The following SLC38A4 variants were observed in gnomAD, a reference collection of about 807,000 sequenced individuals.
SLC38A4 encodes the protein sodium-coupled neutral amino acid transporter 4.
Under a neutral mutation model 63.1 loss-of-function variants are expected in SLC38A4, and 20 were observed. The ratio of observed to expected loss-of-function variants is 0.32; its 90% CI spans 0.22 to 0.46. SLC38A4 has a LOEUF of 0.46. SLC38A4 is among the 20% of genes least tolerant of loss of function. SLC38A4 has a pLI of 1.00. For synonymous variants in SLC38A4, 230 were observed against 225.5 expected (o/e 1.02, Z -0.18); for missense variants, 526 against 663.6 (o/e 0.79, Z 2.28).
rs1167409369 is a variant in SLC38A4, at chr12:46,779,993, T to C, written c.531A>G (p.Leu177=). ...CCATGAATGCTCTGATTACTTCAGG[T>C]AGTTCATATTTAATGATAAAGAGGT... ...SSYLFIIKYE[L]PEVIRAFMGL... The change falls in exon 8 of 17, where the codon CTA becomes CTG. Residue 177 remains leucine (L), a synonymous_variant. Coordinates refer to ENST00000266579, the MANE Select transcript of SLC38A4 (RefSeq NM_018018.5). 9 of 1,612,326 alleles carry C rather than the reference T, an allele frequency of 5.6e-6. No individual in the cohort carries two copies. The highest frequency in any genetic ancestry group is 6.8e-6 in the Non-Finnish European group (8 of 1,178,902).
intron 1 of SLC38A4, among the ~76,000 whole-genome samples, chr12:46,808,578 T>A (rs182873146): frequency 6.6e-6 from 1 of 152,116 alleles, no homozygotes; most frequent in Admixed American, 6.6e-5. Context: ...TGCCTCTGCC[T>A]TTCACCTTTG....
intron 3 of SLC38A4, among the ~76,000 whole-genome samples, chr12:46,792,046 A>G (rs890492890): frequency 2.0e-5 from 3 of 152,056 alleles, no homozygotes; most frequent in Non-Finnish European, 1.5e-5. Context: ...TCTTATGGCT[A>G]TTGGAGAGGT....
At chr12:46,822,826 G>A (rs1004976960) in intron 1 of SLC38A4, among the ~76,000 whole-genome samples, 6 of 152,100 alleles carry the variant, frequency 3.9e-5, no homozygotes, top group African/African-American at 1.4e-4. Context: ...ACCAGATTAA[G>A]AAGTTTAAAC....
At chr12:46,800,950 T>C (rs1044011267) in intron 2 of SLC38A4, among the ~76,000 whole-genome samples, 2 of 152,120 alleles carry the variant, frequency 1.3e-5, no homozygotes, top group Non-Finnish European at 2.9e-5. Flanking sequence ...ACAGGGAATG[T>C]TCAAAATGCT....
intron 3 of SLC38A4, among the ~76,000 whole-genome samples, chr12:46,791,697 G>A (rs1462754332): frequency 6.6e-6 from 1 of 152,302 alleles, no homozygotes; most frequent in Non-Finnish European, 1.5e-5. Context: ...AATGTGGCAG[G>A]TGGTGGGACC....
At position 46,778,578 on chromosome 12, in the gene SLC38A4, G is replaced by T. The variant is rs1046995330; in HGVS notation, c.916C>A (p.Leu306Ile). Residue 306 changes from leucine (L) to isoleucine (I), a missense_variant, in exon 11 of 17, where the codon CTT (leucine) becomes ATT (isoleucine). Transcript: ENST00000266579. ...GLDENQAKGS[L>I]HDSGVEYEAH... is the part of the protein sequence containing the mutation. ...TCATATTCTACTCCACTGTCATGAA[G>T]AGAGCCCTTGGCCTGGTTCTCATCC... is the stretch of plus-strand genomic sequence containing the variant. 17 of 1,612,956 alleles carry T rather than the reference G, an allele frequency of 1.1e-5. No individual in the cohort carries two copies. The highest frequency in any genetic ancestry group is 1.4e-5 in the Non-Finnish European group (17 of 1,179,432).
Position 46,778,558 on chromosome 12 carries a change from T to C in SLC38A4, c.936A>G (p.Glu312=). 6.2e-7 allele frequency: 1 copy of C among 1,613,060 alleles called. No homozygotes were observed. Among genetic ancestry groups the C allele is most frequent in the African/African-American group, 1.3e-5 (1 of 74,982 alleles). The part of the protein sequence containing the change: ...AKGSLHDSGV[E]YEAHSDDKCE... ...ACTTGTCATCACTATGAGCTTCATA[T>C]TCTACTCCACTGTCATGAAGAGAGC... Residue 312 remains glutamate, a synonymous_variant, in exon 11 of 17, where the codon GAA becomes GAG. Transcript: ENST00000266579.
intron 2 of SLC38A4, among the ~76,000 whole-genome samples, chr12:46,799,155 G>A (rs939764928): frequency 1.3e-5 from 2 of 152,034 alleles, no homozygotes; most frequent in African/African-American, 2.4e-5. Context: ...TTATGTAGCT[G>A]CAAACATACA....
rs1364882069 is a variant in SLC38A4, at chr12:46,778,772, A to G, written c.722T>C (p.Ile241Thr). 1 of 1,611,724 alleles carries G rather than the reference A, an allele frequency of 6.2e-7. No homozygotes were observed. The highest frequency in any genetic ancestry group is 8.5e-7 in the Non-Finnish European group (1 of 1,178,494). ...TCMVFFVSVV[I>T]YKKFQIPCPL... ...GCAGGGTATTTGGAATTTCTTGTAA[A>G]TCACCTAGACTCAGTCATTAAAAAA... Residue 241 changes from isoleucine to threonine, a missense_variant, in exon 11 of 17, where the codon ATT (isoleucine) becomes ACT (threonine). Coordinates refer to ENST00000266579, the MANE Select transcript of SLC38A4 (RefSeq NM_018018.5).
intron 14 of SLC38A4, among the ~76,000 whole-genome samples, chr12:46,770,240 G>A (rs1938389623): frequency 1.3e-5 from 2 of 151,650 alleles, no homozygotes; most frequent in Non-Finnish European, 2.9e-5. Context: ...ATTGTGAAAG[G>A]AATTTTTATG....
At position 46,776,219 on chromosome 12, in the gene SLC38A4, T is replaced by C. The variant is rs377763401; in HGVS notation, c.1174+685A>G. ...GCTACCAGGTCAATATGTGATTCCA[T>C]GAAATCTGTTTATGTGGCCACACTT... On this transcript the variant is annotated intron_variant, in intron 13 of 16. Transcript: ENST00000266579. 2.6e-5 allele frequency among the ~76,000 whole-genome samples: 4 copies of C among 152,156 alleles called. No homozygotes were observed. The East Asian group carries it at 7.8e-4, about 29-fold the overall frequency.
chr12:46,775,008 G>A, intron 14 of SLC38A4, 41 bp downstream of exon 14: 1 of 1,601,678 alleles, frequency 6.2e-7, no homozygotes, highest in Non-Finnish European at 8.5e-7. Flanking sequence ...CTAATTTATG[G>A]GGTCAAGTAG....
At chr12:46,791,114 C>T (rs78046258) in intron 3 of SLC38A4, among the ~76,000 whole-genome samples, 4,088 of 152,216 alleles carry the variant, frequency 0.027, 197 homozygotes, top group African/African-American at 0.094. Flanking sequence ...CTGTCAACCT[C>T]GGCAGAGCTC....
chr12:46,792,974 G>A lies in SLC38A4; in HGVS notation c.98C>T (p.Ser33Leu), dbSNP rs1206357307. ...APDSYIGIGN[S>L]EKAAMSSQFA... ...ATACCTGCTCATTGCTGCCTTTTCT[G>A]AATTTCCTATCCCGATGTAGCTATC... The change falls in exon 3 of 17, where the codon TCA becomes TTA. Residue 33 changes from serine to leucine, a missense_variant. By Grantham distance (145) the Ser-to-Leu change is moderately radical. Transcript: ENST00000266579. 6.2e-7 allele frequency: 1 copy of A among 1,612,768 alleles called. No individual in the cohort carries two copies. Among genetic ancestry groups the A allele is most frequent in the African/African-American group, 1.3e-5 (1 of 74,832 alleles).
chr12:46,822,156 C>T (rs186827081), intron 1 of SLC38A4, among the ~76,000 whole-genome samples: 14 of 152,146 alleles, frequency 9.2e-5, no homozygotes, highest in Admixed American at 2.6e-4. Flanking sequence ...CCCCTTAATT[C>T]GCTTTTTTGA....
chr12:46,815,577 G>T (rs1939427701), intron 1 of SLC38A4, among the ~76,000 whole-genome samples: 1 of 151,810 alleles, frequency 6.6e-6, no homozygotes, highest in Middle Eastern at 3.4e-3. Flanking sequence ...AGTTGCTGTT[G>T]TTGTTGGCTG....
chr12:46,808,283 T>A (rs1047950990), intron 1 of SLC38A4, among the ~76,000 whole-genome samples: 1 of 151,912 alleles, frequency 6.6e-6, no homozygotes, highest in Non-Finnish European at 1.5e-5. Flanking sequence ...CCAAGTGAAA[T>A]GCAATGACCC....
At chr12:46,825,589 A>T (rs1163229095) in intron 1 of SLC38A4, among the ~76,000 whole-genome samples, 1 of 152,188 alleles carries the variant, frequency 6.6e-6, no homozygotes, top group African/African-American at 2.4e-5. Flanking sequence ...GAACCCTTTT[A>T]GTTAGATCCC....
intron 13 of SLC38A4, 47 bp downstream of exon 13, chr12:46,776,857 G>T: frequency 1.9e-6 from 3 of 1,546,058 alleles, no homozygotes; most frequent in South Asian, 1.1e-5. Flanking sequence ...TCAAGGACCA[G>T]CCTAACAAGG....
Sources: allele counts gnomAD v4.1 joint callset (sites outside exome capture counted in the v4.1 genomes callset), GRCh38; gene constraint gnomAD v4.1.1; transcripts MANE v1.5; gene names NCBI Gene and HGNC (gene_info 2026-07-23, HGNC 2026-07-21).